The following GTF2E2 variants were observed in gnomAD, a reference collection of about 807,000 sequenced individuals.
GTF2E2 encodes transcription initiation factor IIE subunit beta.
GTF2E2 carries 21 observed loss-of-function variants against 40.5 expected under a neutral mutation model. The observed-to-expected ratio is 0.52, with a 90% CI of 0.37 to 0.75. The LOEUF is 0.75. Among genes scored for constraint, GTF2E2 ranks in the 30% least tolerant of loss-of-function variants. The pLI, the probability that GTF2E2 is intolerant of heterozygous loss-of-function variation, is 0.00. For synonymous variants in GTF2E2, 117 were observed against 121.6 expected (o/e 0.96, Z 0.25); for missense variants, 298 against 338.4 (o/e 0.88, Z 0.94).
chr8:30,593,706 G>A (rs542007645), intron 6 of GTF2E2, among the ~76,000 whole-genome samples: 28 of 152,138 alleles, frequency 1.8e-4, no homozygotes, highest in Admixed American at 7.2e-4. Flanking sequence ...ACGTTGCCCA[G>A]GCTGGCCTCA....
intron 3 of GTF2E2, among the ~76,000 whole-genome samples, chr8:30,618,884 A>G (rs1238118137): frequency 1.3e-5 from 2 of 152,222 alleles, no homozygotes; most frequent in Non-Finnish European, 2.9e-5. Flanking sequence ...TTTAAAAGGT[A>G]TAAGAATAAA....
intron 2 of GTF2E2, 151 bp downstream of exon 2, chr8:30,653,282 A>C: frequency 1.6e-6 from 1 of 622,972 alleles, no homozygotes; most frequent in Non-Finnish European, 2.8e-6. Flanking sequence ...TTAACATCCT[A>C]AGAGCTTAAA....
chr8:30,622,725 C>T (rs560451900), intron 3 of GTF2E2, among the ~76,000 whole-genome samples: 18 of 151,968 alleles, frequency 1.2e-4, no homozygotes, highest in Non-Finnish European at 2.2e-4. Flanking sequence ...CCCCCAGGCA[C>T]GTATTTGCTT....
intron 6 of GTF2E2, among the ~76,000 whole-genome samples, chr8:30,600,596 T>C (rs1279728207): frequency 1.3e-5 from 2 of 151,718 alleles, no homozygotes; most frequent in East Asian, 1.9e-4. Flanking sequence ...TTTTTTAGAG[T>C]AAAAAATAAT....
chr8:30,645,181 C>A, intron 2 of GTF2E2: 1 of 1,029,156 alleles, frequency 9.7e-7, no homozygotes, highest in Non-Finnish European at 1.4e-6. Context: ...AAGGAAGATT[C>A]ATGTTGCCTA....
intron 6 of GTF2E2, among the ~76,000 whole-genome samples, chr8:30,603,653 G>GA (rs1444728439): frequency 6.6e-6 from 1 of 152,032 alleles, no homozygotes; most frequent in Admixed American, 6.6e-5. Flanking sequence ...GTAACTACAG[G>GA]AAAAATAAAC....
At chr8:30,628,172 C>T (rs1454876059) in intron 3 of GTF2E2, among the ~76,000 whole-genome samples, 1 of 152,182 alleles carries the variant, frequency 6.6e-6, no homozygotes, top group African/African-American at 2.4e-5. Flanking sequence ...GGTGAAGGTT[C>T]CTTTCTTATC....
At chr8:30,602,546 C>T (rs966624181) in intron 6 of GTF2E2, among the ~76,000 whole-genome samples, 2 of 151,950 alleles carry the variant, frequency 1.3e-5, no homozygotes, top group African/African-American at 4.8e-5. Flanking sequence ...CACCTGAGGT[C>T]GGGAGTCTGA....
At chr8:30,592,675 T>G (rs879753844) in intron 6 of GTF2E2, among the ~76,000 whole-genome samples, 1 of 152,226 alleles carries the variant, frequency 6.6e-6, no homozygotes, top group Non-Finnish European at 1.5e-5. Context: ...ACCATGTAAA[T>G]AGTTATACTG....
At chr8:30,651,172 A>T (rs1802263728) in intron 2 of GTF2E2, among the ~76,000 whole-genome samples, 1 of 152,196 alleles carries the variant, frequency 6.6e-6, no homozygotes, top group African/African-American at 2.4e-5. Context: ...AGCTACTTTT[A>T]CTATTCAATG....
intron 3 of GTF2E2, among the ~76,000 whole-genome samples, chr8:30,617,923 C>T (rs1404340677): frequency 1.3e-5 from 2 of 152,136 alleles, no homozygotes; most frequent in Non-Finnish European, 2.9e-5. Flanking sequence ...GGTGTACACA[C>T]CCCAGGGACA....
chr8:30,631,872 G>T (rs1045372332), intron 3 of GTF2E2, among the ~76,000 whole-genome samples: 6 of 152,180 alleles, frequency 3.9e-5, no homozygotes, highest in African/African-American at 1.4e-4. Flanking sequence ...GAGGCAGGCG[G>T]ATCACTTGAG....
chr8:30,583,744 T>C (rs1465825193), intron 6 of GTF2E2, among the ~76,000 whole-genome samples: 1 of 152,210 alleles, frequency 6.6e-6, no homozygotes, highest in African/African-American at 2.4e-5. Context: ...GATTTATATC[T>C]ACATATTTAT....
intron 3 of GTF2E2, among the ~76,000 whole-genome samples, chr8:30,624,844 T>C (rs1277435893): frequency 1.3e-5 from 2 of 152,056 alleles, no homozygotes; most frequent in Admixed American, 6.6e-5. Context: ...CTTGTGGTTT[T>C]TGCACATTGA....
Position 30,614,676 on chromosome 8 carries a change from C to A in GTF2E2, c.298G>T (p.Asp100Tyr), listed in dbSNP as rs114292437. Residue 100 changes from aspartate to tyrosine, a missense_variant, in exon 4 of 8, where the codon GAT becomes TAT. By Grantham distance (160) the Asp-to-Tyr change is radical. Transcript: ENST00000355904. ...TGTTGTGTTTCATCCAAAATTTCAT[C>A]TAAGGTTAGAGGATGCGTATCTCCT... ...QRGDTHPLTL[D>Y]EILDETQHLD... 1 of 1,610,504 alleles carries A rather than the reference C, an allele frequency of 6.2e-7. No homozygotes were observed. Among genetic ancestry groups the A allele is most frequent in the African/African-American group, 1.3e-5 (1 of 74,830 alleles).
intron 6 of GTF2E2, among the ~76,000 whole-genome samples, chr8:30,600,179 T>A (rs1829136194): frequency 6.6e-6 from 1 of 152,082 alleles, no homozygotes; most frequent in African/African-American, 2.4e-5. Flanking sequence ...CCAAAAACCA[T>A]AACGTAACTG....
At chr8:30,647,823 G>T (rs1802147208) in intron 2 of GTF2E2, among the ~76,000 whole-genome samples, 1 of 152,144 alleles carries the variant, frequency 6.6e-6, no homozygotes, top group Non-Finnish European at 1.5e-5. Context: ...TTAATAATCA[G>T]ATTTTTTAAT....
chr8:30,653,988 C>T (rs1275840811), intron 1 of GTF2E2, among the ~76,000 whole-genome samples: 3 of 149,810 alleles, frequency 2.0e-5, no homozygotes, highest in Non-Finnish European at 4.4e-5. Context: ...ACTCGGGAGG[C>T]GGAAGTGGGA....
chr8:30,606,921 C>G (rs545698510), intron 6 of GTF2E2, 136 bp downstream of exon 6: 1 of 433,432 alleles, frequency 2.3e-6, no homozygotes, highest in East Asian at 3.9e-5. Context: ...ACAGGGGCCA[C>G]TGGCTGTGTT....
Sources: gnomAD v4.1 joint callset for allele counts (sites outside exome capture counted in the v4.1 genomes callset) on GRCh38, gnomAD v4.1.1 for gene constraint, MANE v1.5 for transcripts, NCBI Gene and HGNC (gene_info 2026-07-23, HGNC 2026-07-21) for gene names.